TOMM34: variants seen among roughly 807,000 people sequenced by gnomAD.
The protein encoded by TOMM34 is translocase of outer mitochondrial membrane 34, also known as mitochondrial import receptor subunit TOM34.
Under a neutral mutation model 37.4 loss-of-function variants are expected in TOMM34, and 24 were observed. The ratio of observed to expected loss-of-function variants is 0.64; its 90% CI spans 0.46 to 0.90. TOMM34 has a LOEUF of 0.90. Ranked by LOEUF, TOMM34 falls within the 40% of genes least tolerant of loss-of-function variation. The pLI, the probability that TOMM34 is intolerant of heterozygous loss-of-function variation, is 0.00. For synonymous variants in TOMM34, 154 were observed against 148.9 expected (o/e 1.03, Z -0.25); for missense variants, 304 against 375.6 (o/e 0.81, Z 1.58).
At chr20:44,948,017 TGAA>T (rs773121475) in intron 5 of TOMM34, among the ~76,000 whole-genome samples, 3 of 152,248 alleles carry the variant, frequency 2.0e-5, no homozygotes, top group Non-Finnish European at 4.4e-5. Context: ...AAGATCTTGT[TGAA>T]GTCAGATTCC....
chr20:44,950,918 C>T (rs960897280), intron 4 of TOMM34, among the ~76,000 whole-genome samples: 2 of 152,198 alleles, frequency 1.3e-5, no homozygotes, highest in Admixed American at 6.5e-5. Context: ...TGACAAATGG[C>T]CTCTTCATTT....
At chr20:44,957,711 T>C (rs550066092) in intron 1 of TOMM34, among the ~76,000 whole-genome samples, 3 of 152,130 alleles carry the variant, frequency 2.0e-5, no homozygotes, top group Non-Finnish European at 2.9e-5. Context: ...AGCACAATCA[T>C]AGCTCACTGC....
intron 1 of TOMM34, 127 bp downstream of exon 1, chr20:44,960,080 C>CGGAGTCGGAAGGGGCTGGAAGGGTGGG: frequency 9.3e-7 from 1 of 1,078,414 alleles, no homozygotes; most frequent in East Asian, 3.2e-5. Context: ...GGTAGGATGC[C>CGGAGTCGGAAGGGGCTGGAAGGGTGGG]GGAGTCGGAA....
Position 44,949,097 on chromosome 20 carries a change from T to C in TOMM34, c.551-220A>G, listed in dbSNP as rs534740482. ...ATCAAGAAGTTGGGGAATCCTGATA[T>C]AAAAACATTTTTGCATGCACATAAA... On this transcript the variant is annotated intron_variant, in intron 4 of 6. Transcript: ENST00000372813. Among the ~76,000 whole-genome samples, 345 of 152,276 alleles carry C rather than the reference T, an allele frequency of 2.3e-3. 2 individuals are homozygous for C. The highest frequency in any genetic ancestry group is 3.0e-3 in the Non-Finnish European group (203 of 68,020).
chr20:44,947,746 C>T (rs1033368846), intron 5 of TOMM34, among the ~76,000 whole-genome samples: 4 of 152,094 alleles, frequency 2.6e-5, no homozygotes, highest in African/African-American at 4.8e-5. Flanking sequence ...GTGATCCTCC[C>T]GGAGCCTCAG....
rs757996991 is a variant in TOMM34, at chr20:44,956,475, G to A, written c.138C>T (p.Asp46=). The A allele has an allele frequency of 6.2e-7, 1 of 1,614,008 alleles. No homozygotes were observed. Residue 46 remains aspartate, a synonymous_variant, in exon 2 of 7, where the codon GAC becomes GAT. Transcript: ENST00000372813. ...AGTAGAGAACACTTTCTTCTTCTGG[G>A]TCTGAAGAACCTGCCCAGATAGAGT... ...LRVLQAQGSS[D]PEEESVLYSN... is the part of the protein sequence containing the mutation.
chr20:44,948,991 T>C (rs986680740), intron 4 of TOMM34, 114 bp from the exon 5 acceptor site: 1 of 1,324,390 alleles, frequency 7.6e-7, no homozygotes, highest in African/African-American at 1.5e-5. Flanking sequence ...CTCCCAGAGA[T>C]TTCCTCCCCT....
At chr20:44,951,047 C>T (rs185716147) in intron 4 of TOMM34, among the ~76,000 whole-genome samples, 3 of 152,304 alleles carry the variant, frequency 2.0e-5, no homozygotes, top group Admixed American at 6.5e-5. Context: ...CCCTCTAGTT[C>T]TGGAGGTGGG....
chr20:44,956,359 A>G (rs1370845325), intron 2 of TOMM34, 27 bp downstream of exon 2: 1 of 1,611,876 alleles, frequency 6.2e-7, no homozygotes, highest in South Asian at 1.1e-5. Context: ...ACCCTCAGGC[A>G]TCCCAAAATT....
At chr20:44,952,694 TCCAGCAC>T in intron 3 of TOMM34, 1 of 717,246 alleles carries the variant, frequency 1.4e-6, no homozygotes, top group Non-Finnish European at 2.6e-6. Flanking sequence ...TCAACTGATC[TCCAGCAC>T]CTGGTATGTC....
At chr20:44,960,124 G>A in intron 1 of TOMM34, 83 bp downstream of exon 1, 4 of 1,479,008 alleles carry the variant, frequency 2.7e-6, no homozygotes, top group Non-Finnish European at 3.6e-6. Flanking sequence ...GGGCAGGACT[G>A]CTGGCCGCCG....
Position 44,955,115 on chromosome 20 carries a change from C to T in TOMM34, c.333G>A (p.Val111=), listed in dbSNP as rs2067060094. 1.1e-5 allele frequency: 18 copies of T among 1,614,044 alleles called. 1 individual carries two copies. In the East Asian group the frequency reaches 4.0e-4, roughly 36 times the overall value. ...YPMAYVDYKT[V]LQIDDNVTSA... ...ACGTCACATTATCATCAATCTGCAG[C>T]ACAGTCTTATAGTCAACATAGGCCA... is the stretch of plus-strand genomic sequence containing the variant. Residue 111 remains valine (V), a synonymous_variant, in exon 3 of 7, where the codon GTG becomes GTA. Transcript: ENST00000372813.
At chr20:44,960,064 G>A in intron 1 of TOMM34, 143 bp downstream of exon 1, 1 of 1,379,706 alleles carries the variant, frequency 7.2e-7, no homozygotes, top group Non-Finnish European at 9.3e-7. Flanking sequence ...GGCCGAGGAA[G>A]TTTCTGGTAG....
rs749226716 is a variant in TOMM34, at chr20:44,943,479, G to A, written c.799C>T (p.Arg267Trp). The A allele has an allele frequency of 5.0e-6, 8 of 1,614,002 alleles. No individual in the cohort carries two copies. The highest frequency in any genetic ancestry group is 5.9e-6 in the Non-Finnish European group (7 of 1,180,036). The change falls in exon 6 of 7, where the codon CGG (arginine) becomes TGG (tryptophan). Residue 267 changes from arginine to tryptophan, a missense_variant. Coordinates refer to ENST00000372813, the MANE Select transcript of TOMM34 (RefSeq NM_006809.5). ...TTGAGTGCTTTGTGGGCTTGAGCCCGTCTGTAGAATGCCTTCACGTTCTTT... is the reference window on the plus strand; with the variant it reads ...TTGAGTGCTTTGTGGGCTTGAGCCCATCTGTAGAATGCCTTCACGTTCTTT... ...DGKNVKAFYR[R>W]AQAHKALKDY...
intron 4 of TOMM34, 45 bp from the exon 5 acceptor site, chr20:44,948,922 C>T (rs1318354151): frequency 3.7e-6 from 6 of 1,600,020 alleles, no homozygotes; most frequent in Non-Finnish European, 5.1e-6. Flanking sequence ...GAGCAGCACC[C>T]AACTGAGATC....
rs1284965728 is a variant in TOMM34, at chr20:44,943,107, T to C, written c.*2A>G. 2 of 1,613,998 alleles carry C rather than the reference T, an allele frequency of 1.2e-6. No homozygotes were observed. Among genetic ancestry groups the C allele is most frequent in the Non-Finnish European group, 1.7e-6 (2 of 1,179,970 alleles). ...AGGGGTTCCAGTTGCCCTGTTGGGT[T>C]TTTAGTGTAGGTTCTGCTTCACTTC... is the stretch of plus-strand genomic sequence containing the variant. On this transcript the variant is annotated 3_prime_UTR_variant, in exon 7 of 7. Coordinates refer to ENST00000372813, the MANE Select transcript of TOMM34 (RefSeq NM_006809.5).
At chr20:44,944,074 A>G (rs1015280798) in intron 5 of TOMM34, among the ~76,000 whole-genome samples, 1 of 152,252 alleles carries the variant, frequency 6.6e-6, no homozygotes, top group African/African-American at 2.4e-5. Context: ...ATCAAACACA[A>G]TAATACAGAC....
intron 5 of TOMM34, among the ~76,000 whole-genome samples, chr20:44,945,427 C>T (rs1014636876): frequency 6.6e-6 from 1 of 152,160 alleles, no homozygotes; most frequent in African/African-American, 2.4e-5. Context: ...GAGGAAGGGA[C>T]ACGATGTGAC....
At chr20:44,955,865 T>C (rs757183175) in intron 2 of TOMM34, among the ~76,000 whole-genome samples, 2 of 152,144 alleles carry the variant, frequency 1.3e-5, no homozygotes, top group African/African-American at 2.4e-5. Context: ...TTCAGGTAAA[T>C]GTGAGAGTTT....
Sources: allele counts gnomAD v4.1 joint callset (sites outside exome capture counted in the v4.1 genomes callset), GRCh38; gene constraint gnomAD v4.1.1; transcripts MANE v1.5; gene names NCBI Gene and HGNC (gene_info 2026-07-23, HGNC 2026-07-21).